Variants in CACNA2D3 observed in about 807,000 individuals in gnomAD.
CACNA2D3 encodes calcium voltage-gated channel auxiliary subunit alpha2delta 3, also known as voltage-dependent calcium channel subunit alpha-2/delta-3.
CACNA2D3 carries 60 observed loss-of-function variants against 160.6 expected under a neutral mutation model. That is an observed-to-expected ratio of 0.37 (90% CI 0.30 to 0.46). The LOEUF (loss-of-function observed/expected upper bound fraction) is 0.46, where lower values mean the gene tolerates loss of function less well. Ranked by LOEUF, CACNA2D3 falls within the 20% of genes least tolerant of loss-of-function variation. CACNA2D3 has a pLI of 1.00. For synonymous variants in CACNA2D3, 558 were observed against 492.9 expected (o/e 1.13, Z -1.75); for missense variants, 1,205 against 1,365.0 (o/e 0.88, Z 1.85).
At chr3:54,482,933 G>A (rs1700957165) in intron 4 of CACNA2D3, among the ~76,000 whole-genome samples, 1 of 152,164 alleles carries the variant, frequency 6.6e-6, no homozygotes, top group South Asian at 2.1e-4. Flanking sequence ...CCAGTCACAT[G>A]CCCAACACCA....
At position 54,568,585 on chromosome 3, in the gene CACNA2D3, G is replaced by A. The variant is rs1272961021; in HGVS notation, c.677-1210G>A. ...CTAATGGTACCTGGCTTTATGCAAAGCAATGTGTCAGATATTTTTAAATTA... is the reference window on the plus strand; with the variant it reads ...CTAATGGTACCTGGCTTTATGCAAAACAATGTGTCAGATATTTTTAAATTA... On this transcript the variant is annotated intron_variant, in intron 6 of 37. Coordinates refer to ENST00000474759, the MANE Select transcript of CACNA2D3 (RefSeq NM_018398.3). Among the ~76,000 whole-genome samples the A allele has an allele frequency of 2.0e-5, 3 of 152,180 alleles. No individual in the cohort carries two copies. The East Asian group carries it at 5.8e-4, about 29-fold the overall frequency.
At chr3:54,918,477 A>C in intron 27 of CACNA2D3, 1 of 1,613,528 alleles carries the variant, frequency 6.2e-7, no homozygotes, top group Non-Finnish European at 8.5e-7. Context: ...GTGAGCTGTC[A>C]AATCGCTCTT....
intron 35 of CACNA2D3, among the ~76,000 whole-genome samples, chr3:55,037,153 G>T (rs1415836063): frequency 6.6e-6 from 1 of 151,972 alleles, no homozygotes; most frequent in African/African-American, 2.4e-5. Context: ...AGGAAAAAGT[G>T]AACAAATAAG....
rs756019905 is a variant in CACNA2D3, at chr3:54,899,806, A to G, written c.2387A>G (p.Asn796Ser). 20 of 1,609,168 alleles carry G rather than the reference A, an allele frequency of 1.2e-5. No homozygotes were observed. Among genetic ancestry groups the G allele is most frequent in the African/African-American group, 8.0e-5 (6 of 74,880 alleles). ...TTCACAGGACCAGTCAATAAAAGCAATGTGGTGACAGCAAGTACATCCATC... is the reference window on the plus strand; with the variant it reads ...TTCACAGGACCAGTCAATAAAAGCAGTGTGGTGACAGCAAGTACATCCATC... ...PFSTGPVNKS[N>S]VVTASTSIQL... Residue 796 changes from asparagine (N) to serine (S), a missense_variant, in exon 27 of 38, where the codon AAT becomes AGT. Physicochemically the swap from Asn to Ser is conservative, Grantham distance 46 (BLOSUM62 1). Around this residue, in one of 3 missense-constraint regions of CACNA2D3, gnomAD observed 911 missense variants for 1,002.2 expected, o/e 0.91. Transcript: ENST00000474759.
In CACNA2D3 at chr3:54,413,873, G is replaced by A. The variant is rs527909678; in HGVS notation, c.381+27099G>A. On this transcript the variant is annotated intron_variant, in intron 4 of 37. Coordinates refer to ENST00000474759, the MANE Select transcript of CACNA2D3 (RefSeq NM_018398.3). ...CCTTCTCTGGTAATTTCGCCATCTG[G>A]TTCCTTTCTGTTTCTTTTGACTGCT... 6.3e-4 allele frequency among the ~76,000 whole-genome samples: 90 copies of A among 143,738 alleles called. 1 individual carries two copies. The highest frequency in any genetic ancestry group is 1.1e-3 in the Non-Finnish European group (75 of 65,790). 94.3% of individuals were successfully genotyped at this position (143,738 alleles called of 152,430 possible).
chr3:54,600,919 T>G (rs1165637762), intron 9 of CACNA2D3, among the ~76,000 whole-genome samples: 1 of 152,074 alleles, frequency 6.6e-6, no homozygotes, highest in Non-Finnish European at 1.5e-5. Flanking sequence ...TTCTTCAATT[T>G]TGACTCACTT....
intron 11 of CACNA2D3, among the ~76,000 whole-genome samples, chr3:54,720,444 C>G (rs1443052956): frequency 1.3e-5 from 2 of 152,070 alleles, no homozygotes; most frequent in African/African-American, 4.8e-5. Flanking sequence ...GTTTATTCCA[C>G]TGACATGTTG....
At chr3:54,766,906 AAGAT>A (rs1480389133) in intron 13 of CACNA2D3, among the ~76,000 whole-genome samples, 1 of 148,284 alleles carries the variant, frequency 6.7e-6, no homozygotes, top group Non-Finnish European at 1.5e-5. Flanking sequence ...AGGAAAAAAG[AAGAT>A]AGATATGTAA....
chr3:54,427,179 G>A (rs924367749), intron 4 of CACNA2D3, among the ~76,000 whole-genome samples: 4 of 152,166 alleles, frequency 2.6e-5, no homozygotes, highest in Admixed American at 6.5e-5. Flanking sequence ...GTCATTTGGT[G>A]TTGTAGAGTG....
At chr3:54,235,372 G>A (rs1179952052) in intron 2 of CACNA2D3, among the ~76,000 whole-genome samples, 1 of 152,188 alleles carries the variant, frequency 6.6e-6, no homozygotes, top group Admixed American at 6.5e-5. Context: ...GGCTTCTGGG[G>A]AGGCCTCGGG....
chr3:54,171,812 TC>T (rs1309768040), intron 2 of CACNA2D3, among the ~76,000 whole-genome samples: 3 of 152,192 alleles, frequency 2.0e-5, no homozygotes, highest in Non-Finnish European at 2.9e-5. Context: ...AACTTCTTGG[TC>T]CCTGTCTCTT....
intron 11 of CACNA2D3, among the ~76,000 whole-genome samples, chr3:54,677,074 C>A (rs1700256503): frequency 6.6e-6 from 1 of 152,186 alleles, no homozygotes; most frequent in African/African-American, 2.4e-5. Context: ...TGAGCACAAT[C>A]TCCTAGTGTT....
At position 54,741,895 on chromosome 3, in the gene CACNA2D3, T is replaced by A. The variant is rs1057511584; in HGVS notation, c.1168-10704T>A. ...ATTTTATTTTTTAATTTATTTATTT[T>A]TTTTTTGAGACAAGGTCTCTGTCAC... On this transcript the variant is annotated intron_variant, in intron 11 of 37. Coordinates refer to ENST00000474759, the MANE Select transcript of CACNA2D3 (RefSeq NM_018398.3). 7.8e-4 allele frequency among the ~76,000 whole-genome samples: 119 copies of A among 152,120 alleles called. 2 individuals carry two copies. The highest frequency in any genetic ancestry group is 3.5e-3 in the Admixed American group (53 of 15,298).
At chr3:54,785,266 A>AT (rs1415078819) in intron 13 of CACNA2D3, among the ~76,000 whole-genome samples, 1 of 151,868 alleles carries the variant, frequency 6.6e-6, no homozygotes, top group East Asian at 1.9e-4. Context: ...GTCCATTTTG[A>AT]TTTTTTTTCT....
intron 35 of CACNA2D3, among the ~76,000 whole-genome samples, chr3:55,044,176 G>A (rs1177091008): frequency 1.3e-5 from 2 of 152,150 alleles, no homozygotes; most frequent in Admixed American, 1.3e-4. Context: ...AAACTGGGTT[G>A]ATTATATAGC....
chr3:54,699,141 C>T (rs1700718658), intron 11 of CACNA2D3, among the ~76,000 whole-genome samples: 1 of 152,206 alleles, frequency 6.6e-6, no homozygotes, highest in Non-Finnish European at 1.5e-5. Context: ...CATGACAGAA[C>T]CCAAGTCATA....
chr3:54,459,387 A>C (rs1394511347), intron 4 of CACNA2D3, among the ~76,000 whole-genome samples: 1 of 144,446 alleles, frequency 6.9e-6, no homozygotes, highest in African/African-American at 2.6e-5. Context: ...CAGTCCCACC[A>C]ACAGTGTAAA....
chr3:54,945,250 T>C (rs561050805), intron 27 of CACNA2D3, among the ~76,000 whole-genome samples: 27 of 152,332 alleles, frequency 1.8e-4, no homozygotes, highest in African/African-American at 6.3e-4. Flanking sequence ...TGCAGCAGAA[T>C]ACATGGTGTT....
chr3:54,371,448 A>G (rs1264419005), intron 3 of CACNA2D3, among the ~76,000 whole-genome samples: 1 of 152,192 alleles, frequency 6.6e-6, no homozygotes, highest in African/African-American at 2.4e-5. Flanking sequence ...CTTCATCGAG[A>G]TATAATTTAC....
Sources: gnomAD v4.1 joint callset for allele counts (sites outside exome capture counted in the v4.1 genomes callset) on GRCh38, gnomAD v4.1.1 for gene constraint, gnomAD v4.1.1 regional missense constraint, MANE v1.5 for transcripts, NCBI Gene and HGNC (gene_info 2026-07-23, HGNC 2026-07-21) for gene names.